RYR3: variants seen among roughly 807,000 people sequenced by gnomAD.
RYR3 encodes the protein brain ryanodine receptor-calcium release channel.
RYR3 carries 207 observed loss-of-function variants against 584.3 expected under a neutral mutation model. The ratio of observed to expected loss-of-function variants is 0.35; its 90% CI spans 0.32 to 0.40. RYR3 has a LOEUF of 0.40. Among genes scored for constraint, RYR3 ranks in the 10% least tolerant of loss-of-function variants. The pLI, the probability that RYR3 is intolerant of heterozygous loss-of-function variation, is 1.00. For synonymous variants in RYR3, 2,416 were observed against 2,248.5 expected (o/e 1.07, Z -2.11); for missense variants, 5,616 against 6,089.2 (o/e 0.92, Z 2.59).
chr15:33,366,253 A>G (rs16970158), intron 1 of RYR3, among the ~76,000 whole-genome samples: 2,987 of 152,202 alleles, frequency 0.02, 99 homozygotes, highest in African/African-American at 0.069. Flanking sequence ...ATTGATTGTC[A>G]TAGATTATCC....
chr15:33,477,250 G>C (rs1205387410), intron 2 of RYR3, among the ~76,000 whole-genome samples: 1 of 152,112 alleles, frequency 6.6e-6, no homozygotes, highest in Non-Finnish European at 1.5e-5. Context: ...ATTCTATGGA[G>C]AAGAAAGACC....
At chr15:33,566,227 G>A (rs566929608) in intron 11 of RYR3, among the ~76,000 whole-genome samples, 2 of 152,320 alleles carry the variant, frequency 1.3e-5, no homozygotes, top group South Asian at 4.1e-4. Flanking sequence ...TTGGCCTTCA[G>A]TTGAGAAACC....
intron 3 of RYR3, among the ~76,000 whole-genome samples, chr15:33,516,827 T>A (rs2053564026): frequency 6.6e-6 from 1 of 151,976 alleles, no homozygotes; most frequent in Non-Finnish European, 1.5e-5. Flanking sequence ...TTGTAACCCA[T>A]GAGACCTTGC....
At chr15:33,539,794 GA>G (rs1428226273) in intron 6 of RYR3, among the ~76,000 whole-genome samples, 1 of 152,044 alleles carries the variant, frequency 6.6e-6, no homozygotes, top group Non-Finnish European at 1.5e-5. Flanking sequence ...AAGGAAGACA[GA>G]AAAAATGTTA....
intron 32 of RYR3, among the ~76,000 whole-genome samples, chr15:33,654,925 G>A (rs1451133674): frequency 2.6e-5 from 4 of 152,254 alleles, no homozygotes; most frequent in African/African-American, 9.6e-5. Flanking sequence ...GAGGGGGTAA[G>A]GTAGACAGCA....
chr15:33,634,687 T>G lies in RYR3; in HGVS notation c.3129T>G (p.Thr1043=), dbSNP rs1312251759. The change falls in exon 25 of 104, where the codon ACT becomes ACG. Residue 1043 remains threonine, a synonymous_variant. Transcript: ENST00000634891. Reference sequence around the variant, plus strand: ...ACAGCCTGCGGGAAGCTGTGCGCACTTTTGTTGGTTACGGGTATAACATTG... The same window carrying G: ...ACAGCCTGCGGGAAGCTGTGCGCACGTTTGTTGGTTACGGGTATAACATTG... ...NRDSLREAVR[T]FVGYGYNIEP... 1 of 1,613,888 alleles carries G rather than the reference T, an allele frequency of 6.2e-7. No individual in the cohort carries two copies. The highest frequency in any genetic ancestry group is 1.3e-5 in the African/African-American group (1 of 74,926).
Position 33,613,382 on chromosome 15 carries a change from T to A in RYR3, c.2357+7T>A, listed in dbSNP as rs761807561. 6.3e-7 allele frequency: 1 copy of A among 1,587,220 alleles called. No homozygotes were observed. Among genetic ancestry groups the A allele is most frequent in the South Asian group, 1.2e-5 (1 of 85,760 alleles). ...GCTTTTCAGCAGGTGTCAAGTAAGT[T>A]ATGGCTGTGATTTCATGGAGAGTAG... On this transcript the variant is annotated splice_region_variant and intron_variant, in intron 19 of 103. Transcript: ENST00000634891.
chr15:33,538,198 G>A (rs1472893565), intron 5 of RYR3, among the ~76,000 whole-genome samples: 15 of 152,068 alleles, frequency 9.9e-5, no homozygotes, highest in South Asian at 8.3e-4. Flanking sequence ...GACCTTCCTC[G>A]GTTGTCAGGT....
intron 12 of RYR3, among the ~76,000 whole-genome samples, chr15:33,578,952 G>A (rs2058456564): frequency 6.6e-6 from 1 of 152,292 alleles, no homozygotes; most frequent in Non-Finnish European, 1.5e-5. Context: ...GGGAAATGAA[G>A]GGTCATTTTG....
chr15:33,742,428 A>C lies in RYR3; in HGVS notation c.7883A>C (p.Lys2628Thr), dbSNP rs769128106. ...AAGTATGCTGAGCATTCACATGATAAATGGGCCTGTGACAAGGTAGGGATT... is the reference window on the plus strand; with the variant it reads ...AAGTATGCTGAGCATTCACATGATACATGGGCCTGTGACAAGGTAGGGATT... The part of the protein sequence containing the change: ...VTKYAEHSHD[K>T]WACDKSQSGW... Residue 2628 changes from lysine (K) to threonine (T), a missense_variant, in exon 52 of 104, where the codon AAA becomes ACA. This residue lies in a region of RYR3 where 1,280 missense variants were observed against 1,426.2 expected (regional missense o/e 0.90). Coordinates refer to ENST00000634891, the MANE Select transcript of RYR3 (RefSeq NM_001036.6). 11 of 1,609,432 alleles carry C rather than the reference A, an allele frequency of 6.8e-6. No individual in the cohort carries two copies. In the South Asian group the frequency reaches 1.1e-4, roughly 16 times the overall value.
chr15:33,727,774 G>C (rs1214451317), intron 46 of RYR3, among the ~76,000 whole-genome samples: 3 of 152,200 alleles, frequency 2.0e-5, no homozygotes, highest in African/African-American at 7.2e-5. Flanking sequence ...TTCCGGTACA[G>C]TATTTAAATA....
intron 60 of RYR3, among the ~76,000 whole-genome samples, chr15:33,760,027 A>C (rs1475617339): frequency 1.3e-5 from 2 of 152,346 alleles, no homozygotes; most frequent in East Asian, 3.9e-4. Context: ...TTTCATATCC[A>C]GCCAAACTAA....
chr15:33,539,590 C>A (rs2055635444), intron 6 of RYR3, 128 bp downstream of exon 6: 1 of 578,604 alleles, frequency 1.7e-6, no homozygotes, highest in Admixed American at 2.8e-5. Context: ...AGAGTTGACC[C>A]TTAAACAATG....
intron 94 of RYR3, chr15:33,851,441 G>A (rs1280449709): frequency 6.6e-6 from 1 of 151,968 alleles, no homozygotes; most frequent in East Asian, 1.9e-4. Flanking sequence ...TACTAAATGG[G>A]TTAAGCATCT....
intron 90 of RYR3, chr15:33,841,651 T>C: frequency 1.9e-6 from 1 of 518,522 alleles, no homozygotes; most frequent in Non-Finnish European, 3.4e-6. Flanking sequence ...AACTTGTATA[T>C]AGCTGATGTT....
chr15:33,746,862 G>T (rs1206898844), intron 53 of RYR3, among the ~76,000 whole-genome samples: 2 of 145,814 alleles, frequency 1.4e-5, no homozygotes, highest in Non-Finnish European at 3.0e-5. Flanking sequence ...AGTCTAGAGT[G>T]TAGTGGTGTG....
At chr15:33,606,994 C>T (rs556925266) in intron 18 of RYR3, among the ~76,000 whole-genome samples, 4 of 152,180 alleles carry the variant, frequency 2.6e-5, no homozygotes, top group African/African-American at 7.2e-5. Context: ...GGGGACTTCA[C>T]CTGTCTCCCA....
At chr15:33,767,366 A>G (rs1236315541) in intron 60 of RYR3, among the ~76,000 whole-genome samples, 1 of 152,076 alleles carries the variant, frequency 6.6e-6, no homozygotes, top group African/African-American at 2.4e-5. Context: ...ATTTAATTTC[A>G]CCCTAGATGG....
intron 3 of RYR3, among the ~76,000 whole-genome samples, chr15:33,511,126 AT>A (rs553073729): frequency 2.5e-4 from 38 of 149,890 alleles, no homozygotes; most frequent in Non-Finnish European, 2.7e-4. Flanking sequence ...TCTTGGGTGG[AT>A]TTTTTTTTTA....
Sources: gnomAD v4.1 joint callset for allele counts (sites outside exome capture counted in the v4.1 genomes callset) on GRCh38, gnomAD v4.1.1 for gene constraint, gnomAD v4.1.1 regional missense constraint, MANE v1.5 for transcripts, NCBI Gene and HGNC (gene_info 2026-07-23, HGNC 2026-07-21) for gene names.